Variants in TTN observed in about 807,000 individuals in gnomAD.
TTN encodes the protein connectin.
A neutral mutation model predicts 3,223.0 loss-of-function variants in TTN; 1,525 were observed. The ratio of observed to expected loss-of-function variants is 0.47; its 90% CI spans 0.45 to 0.49. TTN has a LOEUF of 0.49. Among genes scored for constraint, TTN ranks in the 20% least tolerant of loss-of-function variants. The pLI, the probability that TTN is intolerant of heterozygous loss-of-function variation, is 0.00. For synonymous variants in TTN, 14,094 were observed against 15,161.0 expected (o/e 0.93, Z 5.17); for missense variants, 40,786 against 43,424.0 (o/e 0.94, Z 5.40).
Position 178,618,409 on chromosome 2 carries a change from A to G in TTN, c.47049T>C (p.Thr15683=). 1 of 1,612,524 alleles carries G rather than the reference A, an allele frequency of 6.2e-7. No homozygotes were observed. The highest frequency in any genetic ancestry group is 8.5e-7 in the Non-Finnish European group (1 of 1,179,144). Residue 15683 remains threonine, a synonymous_variant, in exon 252 of 363, where the codon ACT becomes ACC. Coordinates refer to ENST00000589042, the MANE Select transcript of TTN (RefSeq NM_001267550.2). ...EVSLAWEEPL[T]DGGSKIIGYV... is the part of the protein sequence containing the mutation. ...AACCTATGATTTTGCTTCCACCATCAGTTAAAGGTTCTTCCCAAGCAAGGC... is the reference window on the plus strand; with the variant it reads ...AACCTATGATTTTGCTTCCACCATCGGTTAAAGGTTCTTCCCAAGCAAGGC...
Position 178,584,462 on chromosome 2 carries a change from C to T in TTN, c.65089G>A (p.Glu21697Lys). 1 of 1,613,272 alleles carries T rather than the reference C, an allele frequency of 6.2e-7. No homozygotes were observed. Among genetic ancestry groups the T allele is most frequent in the Non-Finnish European group, 8.5e-7 (1 of 1,179,532 alleles). Residue 21697 changes from glutamate to lysine, a missense_variant, in exon 311 of 363, where the codon GAA becomes AAA. Transcript: ENST00000589042. ...AGCAAACTGTTTCTTTCCTTGCGTT[C>T]AATCAGATAACCAATAATGGGGCTC... ...GGSPIIGYLI[E>K]RKERNSLLWV...
In TTN at chr2:178,540,110, G is replaced by T; in HGVS notation, c.98056C>A (p.Pro32686Thr). The part of the protein sequence containing the change: ...LACNAGGPGE[P>T]AEVPGTVKVT... ...TTGACTGTTCCTGGTACCTCAGCAG[G>T]CTCACCAGGTCCACCAGCATTACAA... The change falls in exon 351 of 363, where the codon CCT becomes ACT. Residue 32686 changes from proline (P) to threonine (T), a missense_variant. Coordinates refer to ENST00000589042, the MANE Select transcript of TTN (RefSeq NM_001267550.2). 1.2e-6 allele frequency: 2 copies of T among 1,609,954 alleles called. No homozygotes were observed. Among genetic ancestry groups the T allele is most frequent in the Non-Finnish European group, 1.7e-6 (2 of 1,176,896 alleles).
chr2:178,574,564 G>A lies in TTN; in HGVS notation c.71568C>T (p.Ser23856=). The change falls in exon 326 of 363, where the codon AGC becomes AGT. Residue 23856 remains serine (S), a synonymous_variant. Transcript: ENST00000589042. ...TTTCAACATGATATCCTAAAATGGG[G>A]CTTCCACCATCAGAAAGTGGCTCAT... ...SWHEPLSDGG[S]PILGYHVERK... is the part of the protein sequence containing the mutation. 1 of 1,613,522 alleles carries A rather than the reference G, an allele frequency of 6.2e-7. No homozygotes were observed.
Position 178,579,410 on chromosome 2 carries a change from A to T in TTN, c.67637-17T>A, listed in dbSNP as rs2288571. On this transcript the variant is annotated splice_polypyrimidine_tract_variant and intron_variant, in intron 319 of 362. Transcript: ENST00000589042. ...CAGGAGCCACTGTAAAATAGCAGAG[A>T]TAAATTACTGTTATTTTTAAGGCCA... 6.4e-7 allele frequency: 1 copy of T among 1,553,250 alleles called. No homozygotes were observed. Among genetic ancestry groups the T allele is most frequent in the East Asian group, 2.3e-5 (1 of 44,282 alleles).
At chr2:178,748,978 T>A in intron 47 of TTN, 2 of 1,612,560 alleles carry the variant, frequency 1.2e-6, no homozygotes, top group Non-Finnish European at 1.7e-6. Context: ...TAGGTCTTTT[T>A]TCTAGAACTC....
chr2:178,706,797 A>C lies in TTN; in HGVS notation c.29135-58T>G, dbSNP rs2075940402. The stretch of plus-strand genomic sequence containing the variant: ...TTAATTTTCTAAAATCAGTTCTTCC[A>C]AAATTAAATCATAAGTAAAAGGTAT... On this transcript the variant is annotated intron_variant, in intron 101 of 362. Transcript: ENST00000589042. The C allele has an allele frequency of 2.2e-5, 35 of 1,597,478 alleles. 1 individual carries two copies. The South Asian group carries it at 3.9e-4, about 18-fold the overall frequency.
In TTN at chr2:178,642,294, G is replaced by A. The variant is rs769313634; in HGVS notation, c.40501C>T (p.Arg13501Cys). 8.8e-6 allele frequency: 14 copies of A among 1,593,470 alleles called. No homozygotes were observed. Among genetic ancestry groups the A allele is most frequent in the Middle Eastern group, 1.7e-4 (1 of 6,040 alleles). ...GGTTTACGTTCCGGAAGTAATTTGC[G>A]AACTTTCTTTTCACCTCCAGGCACT... Reference protein sequence around the residue: ...LKVPGGEKKVRKLLPERKPEP... With the variant: ...LKVPGGEKKVCKLLPERKPEP... Residue 13501 changes from arginine to cysteine, a missense_variant, in exon 219 of 363, where the codon CGC becomes TGC. Coordinates refer to ENST00000589042, the MANE Select transcript of TTN (RefSeq NM_001267550.2).
chr2:178,746,758 C>G, intron 47 of TTN: 2 of 1,613,406 alleles, frequency 1.2e-6, no homozygotes, highest in Non-Finnish European at 1.7e-6. Flanking sequence ...GATACCATTT[C>G]ACACCAGGAA....
rs886042408 is a variant in TTN at position 178,548,642 on chromosome 2, G to T, written c.92984C>A (p.Thr30995Asn). 4.3e-6 allele frequency: 7 copies of T among 1,613,742 alleles called. No homozygotes were observed. The highest frequency in any genetic ancestry group is 5.9e-6 in the Non-Finnish European group (7 of 1,179,802). ...ACCACTGTTGTTTTCCACAGTAAGG[G>T]TATATTTCCCTGCATCATTTCTGTT... The part of the protein sequence containing the change: ...NCNRNDAGKY[T>N]LTVENNSGSK... Residue 30995 changes from threonine (T) to asparagine (N), a missense_variant, in exon 339 of 363, where the codon ACC becomes AAC. Transcript: ENST00000589042. This position sits in a 1 kb window ranked among gnomAD's most constrained non-coding sequence, Gnocchi z 4.3.
In TTN at chr2:178,560,198, G is replaced by T; in HGVS notation, c.85934C>A (p.Ala28645Glu). 1 of 1,613,792 alleles carries T rather than the reference G, an allele frequency of 6.2e-7. No homozygotes were observed. Among genetic ancestry groups the T allele is most frequent in the Non-Finnish European group, 8.5e-7 (1 of 1,179,780 alleles). ...LPSETSPLIR[A>E]EDPVFLPSPP... ...AGATGGTAGGAACACTGGATCTTCT[G>T]CCCTAATTAAGGGAGAGGTTTCACT... The change falls in exon 326 of 363, where the codon GCA becomes GAA. Residue 28645 changes from alanine (A) to glutamate (E), a missense_variant. Coordinates refer to ENST00000589042, the MANE Select transcript of TTN (RefSeq NM_001267550.2).
At chr2:178,778,741 T>G in intron 24 of TTN, 133 bp downstream of exon 24, 1 of 1,257,422 alleles carries the variant, frequency 8.0e-7, no homozygotes, top group Non-Finnish European at 1.1e-6. Context: ...CTGGCAATTG[T>G]TGGTGTTGCC....
At position 178,569,959 on chromosome 2, in the gene TTN, G is replaced by A. The variant is rs1249678111; in HGVS notation, c.76173C>T (p.Ser25391=). Residue 25391 remains serine (S), a synonymous_variant, in exon 326 of 363, where the codon AGC becomes AGT. Coordinates refer to ENST00000589042, the MANE Select transcript of TTN (RefSeq NM_001267550.2). ...AENAAGLSEP[S]PPSAYQKACD... is the part of the protein sequence containing the mutation. ...AAGCCTTTTGGTAAGCAGAAGGAGG[G>A]CTTGGTTCACTAAGTCCAGCAGCAT... is the stretch of plus-strand genomic sequence containing the variant. The A allele has an allele frequency of 1.2e-6, 2 of 1,612,220 alleles. No individual in the cohort carries two copies. Among genetic ancestry groups the A allele is most frequent in the Admixed American group, 3.3e-5 (2 of 59,902 alleles).
chr2:178,741,531 G>A lies in TTN; in HGVS notation c.11702C>T (p.Thr3901Ile), dbSNP rs1388046179. The change falls in exon 48 of 363, where the codon ACA (threonine) becomes ATA (isoleucine). Residue 3901 changes from threonine (T) to isoleucine (I), a missense_variant. By Grantham distance (89) the Thr-to-Ile change is moderately conservative. Transcript: ENST00000589042. ...TCMASNDYGK[T>I]ICSAYLKINS... ...AATTTTTAGATAGGCACTACATATTGTCTTTCCATAGTCATTACTGGCCAT... is the reference window on the plus strand; with the variant it reads ...AATTTTTAGATAGGCACTACATATTATCTTTCCATAGTCATTACTGGCCAT... The A allele has an allele frequency of 1.2e-6, 2 of 1,613,784 alleles. No individual in the cohort carries two copies. The highest frequency in any genetic ancestry group is 1.7e-6 in the Non-Finnish European group (2 of 1,179,810).
chr2:178,745,314 A>T, intron 47 of TTN: 2 of 1,282,432 alleles, frequency 1.6e-6, no homozygotes, highest in Non-Finnish European at 2.0e-6. Context: ...AGAAGTACAA[A>T]CAATTAGGTA....
intron 47 of TTN, 96 bp downstream of exon 47, chr2:178,753,028 T>C: frequency 1.0e-6 from 1 of 990,650 alleles, no homozygotes; most frequent in Non-Finnish European, 1.5e-6. Flanking sequence ...TCTATGTCAT[T>C]TTTTTCTCAA....
At chr2:178,542,242 G>A in intron 349 of TTN, 22 bp downstream of exon 349, 1 of 1,588,572 alleles carries the variant, frequency 6.3e-7, no homozygotes, top group South Asian at 1.1e-5. Flanking sequence ...GGGGAGAGTG[G>A]TGGAAGGGCC....
At position 178,588,703 on chromosome 2, in the gene TTN, T is replaced by C; in HGVS notation, c.63022A>G (p.Thr21008Ala). The change falls in exon 304 of 363, where the codon ACA becomes GCA. Residue 21008 changes from threonine to alanine, a missense_variant. Coordinates refer to ENST00000589042, the MANE Select transcript of TTN (RefSeq NM_001267550.2). ...CTCTTGTTGACAGGGACCCATCGTG[T>C]TGAATGCTTTTCCTTTTTCTCCAAA... is the stretch of plus-strand genomic sequence containing the variant. ...YFLEKKEKHS[T>A]RWVPVNKSAI... 6.2e-7 allele frequency: 1 copy of C among 1,613,244 alleles called. No individual in the cohort carries two copies. The highest frequency in any genetic ancestry group is 1.3e-5 in the African/African-American group (1 of 74,988).
chr2:178,644,784 A>G (rs994734265), intron 217 of TTN, 168 bp from the exon 218 acceptor site: 49 of 511,946 alleles, frequency 9.6e-5, no homozygotes, highest in Middle Eastern at 9.9e-4. Flanking sequence ...AACCATGAAA[A>G]CAGACTGCAG....
intron 9 of TTN, 113 bp from the exon 10 acceptor site, chr2:178,792,310 A>C (rs2093551986): frequency 2.0e-6 from 2 of 1,007,166 alleles, no homozygotes; most frequent in Non-Finnish European, 2.8e-6. Context: ...CCTTTTCTGC[A>C]GATGTCACTA....
Sources: allele counts gnomAD v4.1 joint callset, GRCh38; gene constraint gnomAD v4.1.1; non-coding constraint Gnocchi (gnomAD v3.1); transcripts MANE v1.5; gene names NCBI Gene and HGNC (gene_info 2026-07-23, HGNC 2026-07-21).